The following INSR variants were observed in gnomAD, a reference collection of about 807,000 sequenced individuals.
INSR encodes the protein insulin receptor, also known as IR.
INSR carries 67 observed loss-of-function variants against 142.6 expected under a neutral mutation model. The ratio of observed to expected loss-of-function variants is 0.47; its 90% confidence interval spans 0.39 to 0.58. The LOEUF (loss-of-function observed/expected upper bound fraction) is 0.58. INSR is among the 20% of genes least tolerant of loss of function. INSR has a pLI of 0.00. For missense variants in INSR, 1,248 were observed against 1,833.2 expected, an observed-to-expected ratio of 0.68 and a Z score of 5.83; for synonymous variants, 756 against 743.1, an observed-to-expected ratio of 1.02 and a Z score of -0.28.
intron 9 of INSR, among the ~76,000 whole-genome samples, chr19:7,161,284 G>A (rs1260359969): frequency 1.3e-5 from 2 of 150,986 alleles, no homozygotes; most frequent in South Asian, 4.2e-4. Flanking sequence ...TATAGAGACA[G>A]GGTCTCGCTC....
chr19:7,236,822 C>T (rs372458246), intron 2 of INSR, among the ~76,000 whole-genome samples: 3 of 151,846 alleles, frequency 2.0e-5, no homozygotes, highest in African/African-American at 4.8e-5. Context: ...GTCAGGAGAT[C>T]GAGACCATCC....
intron 15 of INSR, among the ~76,000 whole-genome samples, chr19:7,127,998 T>C (rs1972686648): frequency 6.6e-6 from 1 of 151,950 alleles, no homozygotes; most frequent in Non-Finnish European, 1.5e-5. Context: ...CGCCTCGGCC[T>C]CCCAAAGTGT....
At chr19:7,201,634 A>G (rs1013069254) in intron 2 of INSR, among the ~76,000 whole-genome samples, 1 of 150,734 alleles carries the variant, frequency 6.6e-6, no homozygotes. Context: ...CAATCAATCA[A>G]TCAATAATAA....
chr19:7,208,744 G>A (rs113025440), intron 2 of INSR, among the ~76,000 whole-genome samples: 173 of 152,118 alleles, frequency 1.1e-3, no homozygotes, highest in African/African-American at 3.8e-3. Context: ...AGTGGCTCAC[G>A]CCTGTAATCC....
chr19:7,213,606 T>G lies in INSR; in HGVS notation c.653-28969A>C, dbSNP rs140954359. 1.1e-3 allele frequency among the ~76,000 whole-genome samples: 163 copies of G among 152,306 alleles called. 1 individual carries two copies. The highest frequency in any genetic ancestry group is 6.8e-3 in the Middle Eastern group (2 of 294). On this transcript the variant is annotated intron_variant, in intron 2 of 21. Coordinates refer to ENST00000302850, the MANE Select transcript of INSR (RefSeq NM_000208.4). Reference sequence around the variant, plus strand: ...GTCCATAGCCCAGTGCATGAGCGCCTCTAATTGTCTACAAAGAAAAGCAAC... The same window carrying G: ...GTCCATAGCCCAGTGCATGAGCGCCGCTAATTGTCTACAAAGAAAAGCAAC...
Position 7,219,037 on chromosome 19 carries a change from T to C in INSR, c.653-34400A>G, listed in dbSNP as rs113244987. Among the ~76,000 whole-genome samples the C allele has an allele frequency of 8.9e-3, 1,363 of 152,296 alleles. 27 individuals carry two copies. The highest frequency in any genetic ancestry group is 0.031 in the African/African-American group (1,286 of 41,562). ...GTTGGTGGCAGCAAAGAAGAAGGCA[T>C]GAACCATTCGCTCTTCTGTGCAGCA... On this transcript the variant is annotated intron_variant, in intron 2 of 21. Coordinates refer to ENST00000302850, the MANE Select transcript of INSR (RefSeq NM_000208.4).
intron 9 of INSR, among the ~76,000 whole-genome samples, chr19:7,153,254 A>ACAC: frequency 1.5e-5 from 1 of 64,920 alleles, no homozygotes. Flanking sequence ...CGCACCACAC[A>ACAC]CACACTACAT....
At chr19:7,172,922 AG>A (rs1200822966) in intron 4 of INSR, among the ~76,000 whole-genome samples, 1 of 151,924 alleles carries the variant, frequency 6.6e-6, no homozygotes, top group African/African-American at 2.4e-5. Flanking sequence ...TCCATTTTAG[AG>A]GTTGACAAAT....
At chr19:7,291,758 A>G (rs1256886022) in intron 1 of INSR, among the ~76,000 whole-genome samples, 3 of 152,168 alleles carry the variant, frequency 2.0e-5, no homozygotes, top group Non-Finnish European at 4.4e-5. Context: ...ACACGCACAC[A>G]TAGAATCTGG....
chr19:7,281,473 G>A (rs1426557811), intron 1 of INSR, among the ~76,000 whole-genome samples: 6 of 151,654 alleles, frequency 4.0e-5, no homozygotes, highest in Non-Finnish European at 8.8e-5. Flanking sequence ...TCTTGAGTTC[G>A]AGGCCAGCCT....
chr19:7,257,474 TG>T (rs1374831905), intron 2 of INSR, among the ~76,000 whole-genome samples: 2 of 106,414 alleles, frequency 1.9e-5, no homozygotes, highest in Non-Finnish European at 1.9e-5. Context: ...GAGGGTGGAG[TG>T]GGGGCCTTGC....
At chr19:7,274,918 G>T (rs1294723420) in intron 1 of INSR, among the ~76,000 whole-genome samples, 1 of 152,078 alleles carries the variant, frequency 6.6e-6, no homozygotes, top group Non-Finnish European at 1.5e-5. Flanking sequence ...ACCCCGGGAG[G>T]GTTTTTGGCT....
chr19:7,141,930 T>A, intron 12 of INSR, 114 bp from the exon 13 acceptor site: 1 of 818,696 alleles, frequency 1.2e-6, no homozygotes, highest in Non-Finnish European at 2.1e-6. Flanking sequence ...ACAACCCATT[T>A]TCCTCGTCAG....
intron 2 of INSR, among the ~76,000 whole-genome samples, chr19:7,265,462 T>C (rs890105083): frequency 3.3e-5 from 5 of 152,124 alleles, no homozygotes; most frequent in Non-Finnish European, 5.9e-5. Context: ...AAATATAGGC[T>C]GGGCGCGGTG....
intron 6 of INSR, among the ~76,000 whole-genome samples, chr19:7,169,576 CAAAAAAAA>C (rs74174872): frequency 5.8e-4 from 55 of 94,808 alleles, no homozygotes; most frequent in Non-Finnish European, 9.7e-4. Flanking sequence ...GACTCTGTCC[CAAAAAAAA>C]AAAAAAAAAA....
intron 1 of INSR, among the ~76,000 whole-genome samples, chr19:7,275,405 C>T (rs974106439): frequency 1.3e-5 from 2 of 152,252 alleles, no homozygotes; most frequent in African/African-American, 4.8e-5. Context: ...TTTCCAGTAA[C>T]AGAACTGAGT....
At chr19:7,124,541 GAAAAAAAAAAAAAAA>G (rs531613079) in intron 17 of INSR, among the ~76,000 whole-genome samples, 8 of 9,924 alleles carry the variant, frequency 8.1e-4, no homozygotes, top group African/African-American at 1.7e-3. Flanking sequence ...TCCGTTTCAG[GAAAAAAAAAAAAAAA>G]AAAAAAAAAA....
chr19:7,167,421 C>T lies in INSR; in HGVS notation c.1610+547G>A, dbSNP rs928640633. Among the ~76,000 whole-genome samples the T allele has an allele frequency of 2.6e-5, 4 of 152,116 alleles. No individual in the cohort carries two copies. The South Asian group carries it at 8.3e-4, about 32-fold the overall frequency. The stretch of plus-strand genomic sequence containing the variant: ...GCAAAACCCGTCTCTATCAAAAATA[C>T]ACAAATTAGCTACGTGTGATGGTGT... On this transcript the variant is annotated intron_variant, in intron 7 of 21. Transcript: ENST00000302850.
Position 7,116,840 on chromosome 19 carries a change from C to T in INSR, c.*216G>A, listed in dbSNP as rs879667340. On this transcript the variant is annotated 3_prime_UTR_variant, in exon 22 of 22. Coordinates refer to ENST00000302850, the MANE Select transcript of INSR (RefSeq NM_000208.4). ...CCAAAGGAGCAGCAACTGTGGAAAC[C>T]CCTTGCCCTCCAGGTTCACAGTTAA... The T allele has an allele frequency of 1.1e-5, 6 of 550,340 alleles. No individual in the cohort carries two copies. Among genetic ancestry groups the T allele is most frequent in the Non-Finnish European group, 1.9e-5 (6 of 308,380 alleles). 34.1% of individuals were successfully genotyped at this position (550,340 alleles called of 1,614,324 possible).
Sources: allele counts gnomAD v4.1 joint callset (sites outside exome capture counted in the v4.1 genomes callset), GRCh38; gene constraint gnomAD v4.1.1; transcripts MANE v1.5; gene names NCBI Gene and HGNC (gene_info 2026-07-23, HGNC 2026-07-21).